GLMN: variants seen among roughly 807,000 people sequenced by gnomAD.
GLMN encodes glomulin.
Under a neutral mutation model 87.8 loss-of-function variants are expected in GLMN, and 75 were observed. The observed-to-expected ratio is 0.85, with a 90% CI of 0.71 to 1.04. The LOEUF (loss-of-function observed/expected upper bound fraction) is 1.04. Among genes scored for constraint, GLMN ranks in the 50% least tolerant of loss-of-function variants. The probability of loss-of-function intolerance (pLI) is 0.00; values close to 1 mark genes in which losing one functional copy is unlikely to be tolerated. For synonymous variants in GLMN, 206 were observed against 221.6 expected (o/e 0.93, Z 0.63); for missense variants, 588 against 658.8 (o/e 0.89, Z 1.18).
chr1:92,341,537 G>A, the GLMN span, among the ~76,000 whole-genome samples: 184 of 152,284 alleles, frequency 1.2e-3, 2 homozygotes, highest in South Asian at 0.035. Flanking sequence ...TCTCCAGTGC[G>A]TGGAACAGTG....
the GLMN span, chr1:92,336,366 C>T: frequency 6.2e-7 from 1 of 1,608,952 alleles, no homozygotes; most frequent in Non-Finnish European, 8.5e-7. Context: ...GCTTCTGGTT[C>T]CTCTTCAGAT....
At chr1:92,356,222 C>T in the GLMN span, among the ~76,000 whole-genome samples, 1 of 152,120 alleles carries the variant, frequency 6.6e-6, no homozygotes, top group African/African-American at 2.4e-5. Flanking sequence ...AGTGATCCAC[C>T]TGCCTCAGCC....
intron 4 of GLMN, among the ~76,000 whole-genome samples, chr1:92,290,833 C>G (rs965013112): frequency 1.3e-5 from 2 of 152,182 alleles, no homozygotes; most frequent in Admixed American, 1.3e-4. Context: ...TAAACAGTTT[C>G]TTATAATATA....
intron 16 of GLMN, among the ~76,000 whole-genome samples, chr1:92,259,295 A>T (rs1204059314): frequency 1.3e-5 from 2 of 152,208 alleles, no homozygotes; most frequent in Admixed American, 1.3e-4. Context: ...AATATTTGGT[A>T]TAAAAACTAA....
chr1:92,338,397 C>G, the GLMN span, among the ~76,000 whole-genome samples: 4 of 152,182 alleles, frequency 2.6e-5, no homozygotes, highest in African/African-American at 9.7e-5. Flanking sequence ...GCTGTGTGTC[C>G]TGTTAGTAAT....
intron 15 of GLMN, among the ~76,000 whole-genome samples, chr1:92,263,142 G>C (rs1005185665): frequency 6.6e-6 from 1 of 151,838 alleles, no homozygotes; most frequent in Non-Finnish European, 1.5e-5. Flanking sequence ...AGAAAGCCTT[G>C]TTATCTTTAA....
At chr1:92,341,896 G>A in the GLMN span, among the ~76,000 whole-genome samples, 1 of 152,210 alleles carries the variant, frequency 6.6e-6, no homozygotes, top group Non-Finnish European at 1.5e-5. Context: ...GCCTGCCTTG[G>A]CCTCCCAACG....
chr1:92,367,273 G>A, the GLMN span, among the ~76,000 whole-genome samples: 3 of 152,186 alleles, frequency 2.0e-5, no homozygotes, highest in Non-Finnish European at 4.4e-5. Flanking sequence ...AGACTATGCT[G>A]TTAAACCTCT....
At chr1:92,319,536 G>C in the GLMN span, among the ~76,000 whole-genome samples, 2 of 152,188 alleles carry the variant, frequency 1.3e-5, no homozygotes, top group African/African-American at 4.8e-5. Context: ...GAAGGCTGAG[G>C]TGGGGGCAGT....
At chr1:92,263,595 A>G in intron 15 of GLMN, 28 bp downstream of exon 15, 3 of 923,084 alleles carry the variant, frequency 3.2e-6, no homozygotes, top group East Asian at 2.4e-5. Context: ...TGAATTTACT[A>G]TGTGAACTTT....
At chr1:92,266,668 C>T (rs749303449) in intron 12 of GLMN, 32 bp downstream of exon 12, 2 of 1,457,562 alleles carry the variant, frequency 1.4e-6, no homozygotes. Flanking sequence ...CACTGTAACT[C>T]ATTATTCTTT....
At chr1:92,353,172 T>C in the GLMN span, among the ~76,000 whole-genome samples, 5 of 152,350 alleles carry the variant, frequency 3.3e-5, no homozygotes, top group African/African-American at 1.2e-4. Context: ...GATTTTTTTG[T>C]GTGAGCATAT....
At chr1:92,362,690 A>T in the GLMN span, among the ~76,000 whole-genome samples, 27 of 152,180 alleles carry the variant, frequency 1.8e-4, no homozygotes, top group African/African-American at 9.6e-5. Context: ...ACAGTAATTG[A>T]ATCTCCAGGA....
At position 92,246,709 on chromosome 1, in the gene GLMN, C is replaced by T. The variant is rs974924; in HGVS notation, c.1669-63G>A. 1 allele frequency: 852,211 copies of T among 853,148 alleles called. 425,646 individuals are homozygous for T. Among genetic ancestry groups the T allele is most frequent in the East Asian group, 1 (41,064 of 41,064 alleles). 52.8% of individuals were successfully genotyped at this position (853,148 alleles called of 1,614,324 possible). ...CTTTAAAGCAAAACAAAGCAAAACA[C>T]AGAAAAGATTTCAGCTGGAGGTAGC... On this transcript the variant is annotated intron_variant, in intron 18 of 18. Coordinates refer to ENST00000370360, the MANE Select transcript of GLMN (RefSeq NM_053274.3).
At chr1:92,261,794 C>CTT (rs1655071801) in intron 16 of GLMN, among the ~76,000 whole-genome samples, 1 of 125,670 alleles carries the variant, frequency 8.0e-6, no homozygotes, top group Admixed American at 8.3e-5. Flanking sequence ...CTGCAGTTTA[C>CTT]TTTGAAATAC....
chr1:92,306,336 C>T, the GLMN span, among the ~76,000 whole-genome samples: 1 of 152,208 alleles, frequency 6.6e-6, no homozygotes, highest in South Asian at 2.1e-4. Context: ...GTGCTATATA[C>T]TTAAAAATGC....
intron 7 of GLMN, among the ~76,000 whole-genome samples, chr1:92,277,556 C>T (rs1041198587): frequency 6.6e-6 from 1 of 152,170 alleles, no homozygotes; most frequent in Non-Finnish European, 1.5e-5. Flanking sequence ...CACAGCCCTA[C>T]CCCCATCCCA....
chr1:92,315,783 A>G, the GLMN span, among the ~76,000 whole-genome samples: 1 of 152,212 alleles, frequency 6.6e-6, no homozygotes, highest in Non-Finnish European at 1.5e-5. Context: ...TCTTTAAGGT[A>G]TGTAAAATAT....
chr1:92,325,950 C>G, the GLMN span, among the ~76,000 whole-genome samples: 8 of 152,004 alleles, frequency 5.3e-5, no homozygotes, highest in Non-Finnish European at 1.2e-4. Flanking sequence ...GACATTTAGA[C>G]TATTTCCAAT....
Sources: gnomAD v4.1 joint callset for allele counts (sites outside exome capture counted in the v4.1 genomes callset) on GRCh38, gnomAD v4.1.1 for gene constraint, MANE v1.5 for transcripts, NCBI Gene and HGNC (gene_info 2026-07-23, HGNC 2026-07-21) for gene names.